Variants in CHN2 observed in about 807,000 individuals in gnomAD.
The protein encoded by CHN2 is beta-chimaerin.
CHN2 carries 35 observed loss-of-function variants against 56.3 expected under a neutral mutation model. The observed-to-expected ratio is 0.62, with a 90% confidence interval of 0.47 to 0.82. The LOEUF (loss-of-function observed/expected upper bound fraction) is 0.82. CHN2 is among the 40% of genes least tolerant of loss of function. The pLI is 0.00. For synonymous variants in CHN2, 210 were observed against 212.8 expected (o/e 0.99, Z 0.12); for missense variants, 491 against 580.5 (o/e 0.85, Z 1.58).
chr7:29,222,913 G>A (rs1388861151), intron 1 of CHN2, among the ~76,000 whole-genome samples: 2 of 152,120 alleles, frequency 1.3e-5, no homozygotes, highest in African/African-American at 4.8e-5. Flanking sequence ...TAGAGCAAAG[G>A]AATAGAATAG....
At chr7:29,255,155 G>A (rs900850675) in intron 1 of CHN2, among the ~76,000 whole-genome samples, 11 of 152,212 alleles carry the variant, frequency 7.2e-5, no homozygotes, top group Non-Finnish European at 1.2e-4. Flanking sequence ...AGGGGTGGAA[G>A]TAATTTTCCC....
At chr7:29,338,846 C>T (rs1329272934) in intron 1 of CHN2, among the ~76,000 whole-genome samples, 1 of 152,138 alleles carries the variant, frequency 6.6e-6, no homozygotes, top group Non-Finnish European at 1.5e-5. Flanking sequence ...TCCCAAAGTG[C>T]TGAGATTACA....
chr7:29,511,162 A>ATAAACAGTAGGTGTTGAGATTTTTATT (rs1791318751), intron 12 of CHN2, among the ~76,000 whole-genome samples: 1 of 149,122 alleles, frequency 6.7e-6, no homozygotes, highest in Admixed American at 6.7e-5. Context: ...GGAGGACTGT[A>ATAAACAGTAGGTGTTGAGATTTTTATT]TAAACAGTAG....
At chr7:29,251,474 C>A (rs1788514958) in intron 1 of CHN2, among the ~76,000 whole-genome samples, 1 of 152,004 alleles carries the variant, frequency 6.6e-6, no homozygotes, top group Admixed American at 6.6e-5. Flanking sequence ...AATAAAATAA[C>A]ATAAAATAAA....
At chr7:29,405,556 C>T (rs1325226022) in intron 6 of CHN2, among the ~76,000 whole-genome samples, 6 of 152,146 alleles carry the variant, frequency 3.9e-5, no homozygotes, top group Admixed American at 3.9e-4. Flanking sequence ...TCTCAAACTG[C>T]TGCCAAGCCA....
At chr7:29,183,402 G>T (rs1291376431) in intron 2 of CHN2, among the ~76,000 whole-genome samples, 2 of 150,908 alleles carry the variant, frequency 1.3e-5, no homozygotes, top group Non-Finnish European at 3.0e-5. Flanking sequence ...TTTGAGACAG[G>T]GTCTTGCTCT....
intron 3 of CHN2, among the ~76,000 whole-genome samples, chr7:29,371,809 A>G (rs953589341): frequency 1.3e-5 from 2 of 152,036 alleles, no homozygotes; most frequent in African/African-American, 4.8e-5. Context: ...TTTCTCCTCC[A>G]TTCTTAGCAT....
chr7:29,212,051 A>G (rs1356003697), intron 1 of CHN2, among the ~76,000 whole-genome samples: 1 of 152,160 alleles, frequency 6.6e-6, no homozygotes, highest in Non-Finnish European at 1.5e-5. Flanking sequence ...GCTTGGCATC[A>G]TTTCATCTGT....
At chr7:29,317,239 T>C (rs1795017751) in intron 1 of CHN2, among the ~76,000 whole-genome samples, 1 of 152,226 alleles carries the variant, frequency 6.6e-6, no homozygotes, top group Admixed American at 6.5e-5. Flanking sequence ...GAAATATGTG[T>C]AAACTCTGCA....
At chr7:29,212,830 C>CTA in intron 1 of CHN2, 1 of 1,608,238 alleles carries the variant, frequency 6.2e-7, no homozygotes, top group Non-Finnish European at 8.5e-7. Context: ...ACCCCAGCCA[C>CTA]TACTCTTCCT....
chr7:29,236,460 T>A (rs1787200317), intron 1 of CHN2, among the ~76,000 whole-genome samples: 1 of 152,256 alleles, frequency 6.6e-6, no homozygotes, highest in African/African-American at 2.4e-5. Context: ...CGTGGCCATT[T>A]GCAAGGTTGC....
chr7:29,381,809 CAAAAAAAAAAAAAAAAA>C (rs60652952), intron 3 of CHN2, among the ~76,000 whole-genome samples: 3 of 39,512 alleles, frequency 7.6e-5, no homozygotes, highest in East Asian at 1.2e-3. Flanking sequence ...CTAAACTAAG[CAAAAAAAAAAAAAAAAA>C]AAAAAAAAAA....
In CHN2 at chr7:29,367,962, C is replaced by A. The variant is rs1799305585; in HGVS notation, c.119C>A (p.Pro40His). 2 of 1,610,982 alleles carry A rather than the reference C, an allele frequency of 1.2e-6. No individual in the cohort carries two copies. Among genetic ancestry groups the A allele is most frequent in the Non-Finnish European group, 1.7e-6 (2 of 1,178,748 alleles). ...CAGTTACAGCAAGAGGCACCTCGTC[C>A]CAAGAGAATCATTTGTCCTCGGGAG... ...LYQLQQEAPR[P>H]KRIICPREVE... is the part of the protein sequence containing the mutation. Residue 40 changes from proline to histidine, a missense_variant, in exon 3 of 13, where the codon CCC becomes CAC. Transcript: ENST00000222792.
intron 1 of CHN2, among the ~76,000 whole-genome samples, chr7:29,195,720 T>G (rs1783652444): frequency 6.6e-6 from 1 of 151,520 alleles, no homozygotes; most frequent in African/African-American, 2.4e-5. Context: ...TAGCAAGGCA[T>G]GCATTTTTTT....
intron 1 of CHN2, among the ~76,000 whole-genome samples, chr7:29,224,942 G>C (rs931704433): frequency 6.6e-6 from 1 of 152,138 alleles, no homozygotes; most frequent in Admixed American, 6.5e-5. Flanking sequence ...TCTCCGGAGA[G>C]AGAAAATAAG....
chr7:29,179,442 C>CTT (rs1211071295), intron 2 of CHN2, among the ~76,000 whole-genome samples: 1 of 152,204 alleles, frequency 6.6e-6, no homozygotes, highest in Non-Finnish European at 1.5e-5. Flanking sequence ...GTTTTGCAGT[C>CTT]TGAGAATTTT....
chr7:29,321,922 G>T (rs986400427), intron 1 of CHN2, among the ~76,000 whole-genome samples: 1 of 152,138 alleles, frequency 6.6e-6, no homozygotes, highest in Non-Finnish European at 1.5e-5. Flanking sequence ...CACCTCCTTT[G>T]CAGATCTTAT....
chr7:29,365,484 G>A (rs1285726948), intron 2 of CHN2, among the ~76,000 whole-genome samples: 1 of 152,186 alleles, frequency 6.6e-6, no homozygotes, highest in Non-Finnish European at 1.5e-5. Context: ...ATAGACTAGG[G>A]TGATGTCTTT....
chr7:29,183,466 T>A (rs1271224671), intron 2 of CHN2, among the ~76,000 whole-genome samples: 1 of 151,852 alleles, frequency 6.6e-6, no homozygotes, highest in Non-Finnish European at 1.5e-5. Context: ...AACTTTTGTC[T>A]CTTGGGTTCA....
Sources: allele counts gnomAD v4.1 joint callset (sites outside exome capture counted in the v4.1 genomes callset), GRCh38; gene constraint gnomAD v4.1.1; transcripts MANE v1.5; gene names NCBI Gene and HGNC (gene_info 2026-07-23, HGNC 2026-07-21).